ANTXR1: variants seen among roughly 807,000 people sequenced by gnomAD.
ANTXR1 encodes the protein anthrax toxin receptor 1.
A neutral mutation model predicts 78.1 loss-of-function variants in ANTXR1; 19 were observed. The observed-to-expected ratio is 0.24, with a 90% CI of 0.17 to 0.36. ANTXR1 has a LOEUF of 0.36. Ranked by LOEUF, ANTXR1 falls within the 10% of genes least tolerant of loss-of-function variation. ANTXR1 has a pLI of 1.00. For synonymous variants in ANTXR1, 273 were observed against 260.5 expected (o/e 1.05, Z -0.46); for missense variants, 518 against 718.6 (o/e 0.72, Z 3.19).
Position 69,164,902 on chromosome 2 carries a change from C to G in ANTXR1, c.1048-5346C>G, listed in dbSNP as rs76185793. On this transcript the variant is annotated intron_variant, in intron 13 of 17. Transcript: ENST00000303714. ...CAGCTTCAAAGCTGGTCTTTCTAAT[C>G]AGCTATAAGCAAGTCTCAACAGAAC... Among the ~76,000 whole-genome samples the G allele has an allele frequency of 3.2e-3, 486 of 152,300 alleles. 2 individuals carry two copies. Among genetic ancestry groups the G allele is most frequent in the Non-Finnish European group, 4.6e-3 (316 of 67,986 alleles).
chr2:69,037,341 G>A (rs905813176), intron 1 of ANTXR1, among the ~76,000 whole-genome samples: 1 of 152,214 alleles, frequency 6.6e-6, no homozygotes, highest in Admixed American at 6.5e-5. Context: ...TTGCCACCCA[G>A]TATCAGGGGA....
chr2:69,071,637 A>C, intron 4 of ANTXR1, 117 bp from the exon 5 acceptor site: 1 of 991,062 alleles, frequency 1.0e-6, no homozygotes, highest in Non-Finnish European at 1.6e-6. Context: ...GGTGAATTAC[A>C]TAAGGAATCA....
intron 3 of ANTXR1, among the ~76,000 whole-genome samples, chr2:69,050,903 T>C (rs1669912136): frequency 6.6e-6 from 1 of 152,184 alleles, no homozygotes; most frequent in South Asian, 2.1e-4. Context: ...TATATATTGT[T>C]AGATTTTATG....
At chr2:69,138,516 A>G (rs1348873082) in intron 12 of ANTXR1, among the ~76,000 whole-genome samples, 2 of 152,208 alleles carry the variant, frequency 1.3e-5, no homozygotes, top group Non-Finnish European at 2.9e-5. Flanking sequence ...CTACAGAATG[A>G]CAAGGTCCCA....
At chr2:69,044,887 G>T in intron 3 of ANTXR1, 74 bp downstream of exon 3, 1 of 1,453,260 alleles carries the variant, frequency 6.9e-7, no homozygotes, top group South Asian at 1.1e-5. Flanking sequence ...GTGCTCTGGT[G>T]CCAGCCTTGA....
intron 10 of ANTXR1, among the ~76,000 whole-genome samples, chr2:69,112,185 T>C (rs541134889): frequency 6.6e-6 from 1 of 152,228 alleles, no homozygotes; most frequent in African/African-American, 2.4e-5. Flanking sequence ...GATTGTTGAG[T>C]ACCTACTCTG....
intron 1 of ANTXR1, among the ~76,000 whole-genome samples, chr2:69,030,769 T>C (rs996646635): frequency 6.6e-6 from 1 of 152,188 alleles, no homozygotes; most frequent in African/African-American, 2.4e-5. Flanking sequence ...GGCGCAATTT[T>C]TCCAGTCTGC....
At chr2:69,111,759 C>T (rs1239712883) in intron 10 of ANTXR1, among the ~76,000 whole-genome samples, 1 of 152,200 alleles carries the variant, frequency 6.6e-6, no homozygotes, top group Non-Finnish European at 1.5e-5. Context: ...GGAAGAGAGA[C>T]AACACTCATT....
intron 11 of ANTXR1, 24 bp downstream of exon 11, chr2:69,123,110 C>G: frequency 1.9e-6 from 3 of 1,611,946 alleles, no homozygotes; most frequent in Non-Finnish European, 2.5e-6. Context: ...AGCAACTGAA[C>G]CTCCCAGCCA....
At chr2:69,146,505 G>A in intron 12 of ANTXR1, 1 of 581,328 alleles carries the variant, frequency 1.7e-6, no homozygotes, top group Non-Finnish European at 2.2e-6. Context: ...AAGGTTTGTG[G>A]TGAACTACAT....
chr2:69,119,171 A>G (rs1672257725), intron 10 of ANTXR1, among the ~76,000 whole-genome samples: 1 of 152,124 alleles, frequency 6.6e-6, no homozygotes, highest in Non-Finnish European at 1.5e-5. Flanking sequence ...GAGGAAGGAG[A>G]GAGGAGTTGT....
chr2:69,174,657 T>C (rs948174113), intron 14 of ANTXR1, among the ~76,000 whole-genome samples: 2 of 151,786 alleles, frequency 1.3e-5, no homozygotes, highest in Non-Finnish European at 2.9e-5. Context: ...AGAGTGTAAC[T>C]GGACATTTAT....
At chr2:69,059,723 T>C (rs1012765085) in intron 3 of ANTXR1, among the ~76,000 whole-genome samples, 1 of 152,204 alleles carries the variant, frequency 6.6e-6, no homozygotes, top group Non-Finnish European at 1.5e-5. Context: ...ATAACTTTTA[T>C]ATGCACTGGG....
chr2:69,188,170 C>T (rs1474315575), intron 16 of ANTXR1, among the ~76,000 whole-genome samples: 1 of 151,770 alleles, frequency 6.6e-6, no homozygotes, highest in East Asian at 1.9e-4. Flanking sequence ...TGCAGTGGTG[C>T]GATCATATAG....
intron 16 of ANTXR1, among the ~76,000 whole-genome samples, chr2:69,189,804 A>C (rs1573965667): frequency 6.6e-6 from 1 of 152,376 alleles, no homozygotes; most frequent in African/African-American, 2.4e-5. Flanking sequence ...GCCATGAATC[A>C]AGGCAGGGTG....
chr2:69,138,534 A>G (rs1165502771), intron 12 of ANTXR1, among the ~76,000 whole-genome samples: 1 of 152,224 alleles, frequency 6.6e-6, no homozygotes, highest in Non-Finnish European at 1.5e-5. Flanking sequence ...CCATGAGGGT[A>G]TATAAACACC....
intron 12 of ANTXR1, among the ~76,000 whole-genome samples, chr2:69,126,170 C>A (rs986171048): frequency 2.0e-5 from 3 of 152,198 alleles, no homozygotes; most frequent in African/African-American, 7.2e-5. Context: ...TCATGATGGA[C>A]AACAGTCTCC....
chr2:69,111,523 A>G (rs1360633593), intron 10 of ANTXR1, among the ~76,000 whole-genome samples: 4 of 152,270 alleles, frequency 2.6e-5, no homozygotes, highest in African/African-American at 9.6e-5. Context: ...TTTATAGGCC[A>G]TGTGAGAAAT....
intron 1 of ANTXR1, among the ~76,000 whole-genome samples, chr2:69,030,126 A>G (rs990273344): frequency 1.3e-5 from 2 of 152,176 alleles, no homozygotes; most frequent in African/African-American, 4.8e-5. Flanking sequence ...GATTTTTTAA[A>G]ATCCCTTTAG....
Sources: allele counts gnomAD v4.1 joint callset (sites outside exome capture counted in the v4.1 genomes callset), GRCh38; gene constraint gnomAD v4.1.1; transcripts MANE v1.5; gene names NCBI Gene and HGNC (gene_info 2026-07-23, HGNC 2026-07-21).